Variants in KSR2 observed in about 807,000 individuals in gnomAD.
KSR2 encodes the protein kinase suppressor of ras 2.
Under a neutral mutation model 107.8 loss-of-function variants are expected in KSR2, and 25 were observed. That is an observed-to-expected ratio of 0.23 (90% CI 0.17 to 0.32). The LOEUF (loss-of-function observed/expected upper bound fraction) is 0.32. KSR2 is among the 10% of genes least tolerant of loss of function. The pLI is 1.00. For missense variants in KSR2, 887 were observed against 1,268.9 expected (o/e 0.70, Z 4.57); for synonymous variants, 480 against 507.0 (o/e 0.95, Z 0.71).
intron 7 of KSR2, among the ~76,000 whole-genome samples, chr12:117,571,287 G>A (rs1159356557): frequency 6.6e-6 from 1 of 152,104 alleles, no homozygotes. Flanking sequence ...CTATTCCATT[G>A]TGGAGGAAGC....
chr12:117,831,810 A>G (rs551750778), intron 3 of KSR2, among the ~76,000 whole-genome samples: 26 of 152,356 alleles, frequency 1.7e-4, no homozygotes, highest in Non-Finnish European at 3.1e-4. Context: ...AGTACCCCAC[A>G]CAATCCAAGA....
intron 3 of KSR2, among the ~76,000 whole-genome samples, chr12:117,809,337 G>C (rs1040083441): frequency 6.6e-6 from 1 of 152,080 alleles, no homozygotes; most frequent in Non-Finnish European, 1.5e-5. Context: ...GCGCTGTCCT[G>C]TGTATTGAAG....
chr12:117,812,018 A>G (rs1219284403), intron 3 of KSR2, among the ~76,000 whole-genome samples: 1 of 152,202 alleles, frequency 6.6e-6, no homozygotes, highest in Non-Finnish European at 1.5e-5. Context: ...TAGACCACTG[A>G]GCTTGGGCTC....
At position 117,459,580 on chromosome 12, in the gene KSR2, C is replaced by T. The variant is rs1870791769; in HGVS notation, c.*7619G>A. 6.6e-6 allele frequency: 1 copy of T among 152,230 alleles called. No homozygotes were observed. Among genetic ancestry groups the T allele is most frequent in the Non-Finnish European group, 1.5e-5 (1 of 68,048 alleles). The allele number at this position is 152,230 out of a possible 1,614,324, so 9.4% of individuals were successfully genotyped here. On this transcript the variant is annotated 3_prime_UTR_variant, in exon 20 of 20. Coordinates refer to ENST00000339824, the MANE Select transcript of KSR2 (RefSeq NM_173598.6). The stretch of plus-strand genomic sequence containing the variant: ...GATCTTAGAGGTCCTTCTAGATCAC[C>T]ATCCCAATGACTTGGTTGAAGATGA...
At position 117,746,747 on chromosome 12, in the gene KSR2, C is replaced by A. The variant is rs189436852; in HGVS notation, c.986+14264G>T. Among the ~76,000 whole-genome samples the A allele has an allele frequency of 8.2e-3, 1,238 of 150,652 alleles. 12 individuals carry two copies. Among genetic ancestry groups the A allele is most frequent in the African/African-American group, 0.027 (1,123 of 40,856 alleles). ...AAACAAATTTACAAGAAAAAAAAACCCCCATCAAAAAGTAGGCAAAGGATA... is the reference window on the plus strand; with the variant it reads ...AAACAAATTTACAAGAAAAAAAAACACCCATCAAAAAGTAGGCAAAGGATA... On this transcript the variant is annotated intron_variant, in intron 4 of 19. Transcript: ENST00000339824.
chr12:117,761,573 C>T (rs1375910936), intron 3 of KSR2, 49 bp from the exon 4 acceptor site: 2 of 1,586,078 alleles, frequency 1.3e-6, no homozygotes, highest in Non-Finnish European at 1.7e-6. Context: ...ATGAGAAAGC[C>T]AGGTGAGTTA....
intron 3 of KSR2, among the ~76,000 whole-genome samples, chr12:117,833,027 G>A (rs1011884558): frequency 6.6e-6 from 1 of 152,180 alleles, no homozygotes; most frequent in African/African-American, 2.4e-5. Context: ...GAGCCTTCGT[G>A]GGGCGGGGGG....
At chr12:117,635,007 G>A (rs370520917) in intron 5 of KSR2, among the ~76,000 whole-genome samples, 23 of 152,268 alleles carry the variant, frequency 1.5e-4, no homozygotes, top group African/African-American at 5.1e-4. Context: ...ACCTGCCCAA[G>A]GTATTGTGGA....
intron 4 of KSR2, among the ~76,000 whole-genome samples, chr12:117,681,937 T>G (rs1459236959): frequency 6.6e-6 from 1 of 152,148 alleles, no homozygotes; most frequent in Admixed American, 6.5e-5. Flanking sequence ...CAAAGGAATA[T>G]AAATCATTCT....
chr12:117,628,394 C>T (rs1478439600), intron 5 of KSR2, among the ~76,000 whole-genome samples: 2 of 151,868 alleles, frequency 1.3e-5, no homozygotes, highest in Non-Finnish European at 2.9e-5. Flanking sequence ...TGTAGATGAC[C>T]TTTTTGTTGA....
intron 1 of KSR2, among the ~76,000 whole-genome samples, chr12:117,891,332 C>T (rs986199869): frequency 2.0e-5 from 3 of 151,742 alleles, no homozygotes; most frequent in African/African-American, 7.3e-5. Context: ...AGGAGAATTG[C>T]TTGAACCCAG....
At chr12:117,735,735 C>T (rs906414331) in intron 4 of KSR2, among the ~76,000 whole-genome samples, 2 of 152,190 alleles carry the variant, frequency 1.3e-5, no homozygotes. Flanking sequence ...GTCACAGAAC[C>T]GTAAGGCCAC....
At chr12:117,484,578 C>T (rs774530425) in intron 15 of KSR2, 29 bp from the exon 16 acceptor site, 1 of 1,611,236 alleles carries the variant, frequency 6.2e-7, no homozygotes, top group East Asian at 2.2e-5. Flanking sequence ...AGAGAGTTGC[C>T]AGAGAAAAAC....
chr12:117,605,744 C>A (rs1237605477), intron 5 of KSR2, among the ~76,000 whole-genome samples: 3 of 152,094 alleles, frequency 2.0e-5, no homozygotes, highest in Non-Finnish European at 4.4e-5. Flanking sequence ...CAATGATAGA[C>A]TGGGTAAAGA....
intron 3 of KSR2, among the ~76,000 whole-genome samples, chr12:117,806,457 CCTCT>C (rs1199562146): frequency 6.6e-6 from 1 of 152,166 alleles, no homozygotes; most frequent in African/African-American, 2.4e-5. Flanking sequence ...GCTCCATTTC[CCTCT>C]CTCTAAGTCG....
At chr12:117,525,453 T>G (rs541330826) in intron 13 of KSR2, among the ~76,000 whole-genome samples, 82 of 152,178 alleles carry the variant, frequency 5.4e-4, no homozygotes, top group Middle Eastern at 6.8e-3. Context: ...TTGTGCTAAA[T>G]GGGGGGATAC....
intron 3 of KSR2, among the ~76,000 whole-genome samples, chr12:117,777,087 T>TA (rs1286277937): frequency 1.8e-4 from 16 of 90,144 alleles, no homozygotes; most frequent in African/African-American, 6.9e-4. Flanking sequence ...ATATATATAT[T>TA]TTATATATAT....
chr12:117,769,961 G>A (rs1237660806), intron 3 of KSR2, among the ~76,000 whole-genome samples: 1 of 152,054 alleles, frequency 6.6e-6, no homozygotes, highest in Non-Finnish European at 1.5e-5. Context: ...GGCTGAGGCA[G>A]GAGAATCACT....
chr12:117,600,361 G>T (rs190396283), intron 5 of KSR2, among the ~76,000 whole-genome samples: 32 of 152,306 alleles, frequency 2.1e-4, no homozygotes, highest in East Asian at 1.5e-3. Flanking sequence ...CTGATGGATG[G>T]GTGCAGAGGC....
Sources: allele counts gnomAD v4.1 joint callset (sites outside exome capture counted in the v4.1 genomes callset), GRCh38; gene constraint gnomAD v4.1.1; transcripts MANE v1.5; gene names NCBI Gene and HGNC (gene_info 2026-07-23, HGNC 2026-07-21).